The following ST7 variants were observed in gnomAD, a reference collection of about 807,000 sequenced individuals.
The protein encoded by ST7 is suppressor of tumorigenicity 7 protein.
ST7 carries 28 observed loss-of-function variants against 78.7 expected under a neutral mutation model. The observed-to-expected ratio is 0.36, with a 90% CI of 0.26 to 0.49. ST7 has a LOEUF of 0.49. Ranked by LOEUF, ST7 falls within the 20% of genes least tolerant of loss-of-function variation. The pLI is 0.99. For missense variants in ST7, 418 were observed against 696.0 expected (o/e 0.60, Z 4.49); for synonymous variants, 247 against 249.6 (o/e 0.99, Z 0.10).
At chr7:117,134,737 CTTGTATAGTTTCAGCATCA>C (rs1316260282) in intron 7 of ST7, among the ~76,000 whole-genome samples, 1 of 152,022 alleles carries the variant, frequency 6.6e-6, no homozygotes, top group African/African-American at 2.4e-5. Flanking sequence ...CAGTGAATCA[CTTGTATAGTTTCAGCATCA>C]TTATGGTTCT....
In ST7 at chr7:117,040,008, G is replaced by A. The variant is rs113038056; in HGVS notation, c.152-59754G>A. ...AAAACAGTTCATTGTAAGAAATTCA[G>A]TCAGGTAGGATTTGGATGTTATTAA... On this transcript the variant is annotated intron_variant, in intron 1 of 15. Coordinates refer to ENST00000323984, the MANE Select transcript of ST7 (RefSeq NM_001369598.1). 5.7e-3 allele frequency among the ~76,000 whole-genome samples: 867 copies of A among 152,318 alleles called. 3 individuals are homozygous for A. Among genetic ancestry groups the A allele is most frequent in the Non-Finnish European group, 9.7e-3 (660 of 68,030 alleles).
intron 1 of ST7, among the ~76,000 whole-genome samples, chr7:117,040,960 C>T (rs914015827): frequency 6.6e-6 from 1 of 152,178 alleles, no homozygotes; most frequent in Non-Finnish European, 1.5e-5. Flanking sequence ...CTCTCTTCTT[C>T]CCTACTTCCT....
intron 1 of ST7, among the ~76,000 whole-genome samples, chr7:116,994,110 CT>C (rs1253467513): frequency 4.6e-5 from 7 of 152,172 alleles, no homozygotes; most frequent in African/African-American, 7.2e-5. Flanking sequence ...ATCTCTAGAA[CT>C]TTTTCATTTT....
intron 2 of ST7, among the ~76,000 whole-genome samples, chr7:117,113,542 T>C (rs976078696): frequency 6.6e-6 from 1 of 152,228 alleles, no homozygotes; most frequent in Non-Finnish European, 1.5e-5. Flanking sequence ...GCCTAGAACA[T>C]AGACCAATGC....
At chr7:117,022,674 T>A (rs769154807) in intron 1 of ST7, among the ~76,000 whole-genome samples, 11 of 152,198 alleles carry the variant, frequency 7.2e-5, no homozygotes, top group Non-Finnish European at 1.2e-4. Flanking sequence ...TCGTAAGAAA[T>A]ACTTGTTTAA....
At position 117,161,917 on chromosome 7, in the gene ST7, C is replaced by G. The variant is rs549084273; in HGVS notation, c.964-8945C>G. ...ACCTGGCCCTCATTTTCTTTTCTGA[C>G]ATTTCTGTAATATAGCCCATAAACT... On this transcript the variant is annotated intron_variant, in intron 9 of 15. Transcript: ENST00000323984. Among the ~76,000 whole-genome samples the G allele has an allele frequency of 2.0e-5, 3 of 152,064 alleles. No homozygotes were observed. In the South Asian group the frequency reaches 6.2e-4, roughly 32 times the overall value.
At chr7:117,171,302 A>G (rs780653168) in intron 10 of ST7, among the ~76,000 whole-genome samples, 1 of 152,066 alleles carries the variant, frequency 6.6e-6, no homozygotes, top group Non-Finnish European at 1.5e-5. Flanking sequence ...GGCAGTACCT[A>G]TCCTGTAGGG....
intron 1 of ST7, among the ~76,000 whole-genome samples, chr7:117,025,429 A>G (rs1167863846): frequency 6.6e-6 from 1 of 152,218 alleles, no homozygotes; most frequent in Non-Finnish European, 1.5e-5. Flanking sequence ...TAGGAACATG[A>G]GCCATTTTCC....
intron 1 of ST7, among the ~76,000 whole-genome samples, chr7:117,064,206 T>G (rs1798512668): frequency 6.6e-6 from 1 of 152,208 alleles, no homozygotes; most frequent in African/African-American, 2.4e-5. Flanking sequence ...TCTTTTATAT[T>G]ATCCTACTTA....
At chr7:117,182,776 C>T (rs140602533) in intron 10 of ST7, 1 of 152,256 alleles carries the variant, frequency 6.6e-6, no homozygotes, top group East Asian at 1.9e-4. Flanking sequence ...GGATTGTTTT[C>T]ATTTCTAATT....
At chr7:117,041,299 TCTG>T (rs966852563) in intron 1 of ST7, among the ~76,000 whole-genome samples, 3 of 152,214 alleles carry the variant, frequency 2.0e-5, no homozygotes, top group African/African-American at 7.2e-5. Context: ...CATTGCAAAT[TCTG>T]CTATTACTGG....
In ST7 at chr7:117,046,085, A is replaced by G. The variant is rs530504863; in HGVS notation, c.152-53677A>G. Among the ~76,000 whole-genome samples the G allele has an allele frequency of 3.9e-5, 6 of 152,320 alleles. No individual in the cohort carries two copies. In the East Asian group the frequency reaches 1.2e-3, roughly 29 times the overall value. Reference sequence around the variant, plus strand: ...GATGAGGAAACTGTGGTTTAGGGAAATTATGTACCTTGCTGAAAACCAGCT... The same window carrying G: ...GATGAGGAAACTGTGGTTTAGGGAAGTTATGTACCTTGCTGAAAACCAGCT... On this transcript the variant is annotated intron_variant, in intron 1 of 15. Coordinates refer to ENST00000323984, the MANE Select transcript of ST7 (RefSeq NM_001369598.1).
At chr7:117,123,740 A>G (rs1239576281) in intron 3 of ST7, among the ~76,000 whole-genome samples, 2 of 152,184 alleles carry the variant, frequency 1.3e-5, no homozygotes, top group African/African-American at 2.4e-5. Context: ...GTTTATAGGA[A>G]CATCTGTTTG....
At chr7:117,045,803 G>A (rs909821584) in intron 1 of ST7, among the ~76,000 whole-genome samples, 3 of 152,152 alleles carry the variant, frequency 2.0e-5, no homozygotes, top group African/African-American at 7.2e-5. Flanking sequence ...TACTCACAAA[G>A]TATTAAGCTC....
intron 2 of ST7, among the ~76,000 whole-genome samples, chr7:117,119,278 T>C (rs1277208193): frequency 6.6e-6 from 1 of 152,264 alleles, no homozygotes; most frequent in East Asian, 1.9e-4. Flanking sequence ...TTGAATATTA[T>C]ATATAAATTT....
At chr7:117,094,935 G>C (rs112676150) in intron 1 of ST7, among the ~76,000 whole-genome samples, 1 of 150,770 alleles carries the variant, frequency 6.6e-6, no homozygotes, top group Non-Finnish European at 1.5e-5. Flanking sequence ...TTTCCATTTT[G>C]CATGTCATAT....
intron 10 of ST7, among the ~76,000 whole-genome samples, chr7:117,184,947 A>G (rs1280451802): frequency 6.6e-6 from 1 of 152,240 alleles, no homozygotes; most frequent in Admixed American, 6.5e-5. Context: ...TTATGTCGAA[A>G]TATTAAGTTT....
intron 10 of ST7, among the ~76,000 whole-genome samples, chr7:117,174,747 T>C (rs1808235251): frequency 6.6e-6 from 1 of 152,202 alleles, no homozygotes; most frequent in Non-Finnish European, 1.5e-5. Flanking sequence ...AGCTTGGCAT[T>C]AGCTTTACCC....
rs1310596365 is a variant in ST7, at chr7:117,129,839, A to G, written c.441A>G (p.Glu147=). 6.2e-7 allele frequency: 1 copy of G among 1,609,820 alleles called. No homozygotes were observed. Among genetic ancestry groups the G allele is most frequent in the Non-Finnish European group, 8.5e-7 (1 of 1,177,844 alleles). The change falls in exon 4 of 16, where the codon GAA becomes GAG. Residue 147 remains glutamate (E), a synonymous_variant. Transcript: ENST00000323984. Reference sequence around the variant, plus strand: ...CACTAAATTTATTTAGGGGTGCTGAATACAATCGGTAAGCATTTTGACAGC... The same window carrying G: ...CACTAAATTTATTTAGGGGTGCTGAGTACAATCGGTAAGCATTTTGACAGC... ...RNPLNLFRGA[E]YNRYTWVTGR... is the part of the protein sequence containing the mutation.
Sources: gnomAD v4.1 joint callset for allele counts (sites outside exome capture counted in the v4.1 genomes callset) on GRCh38, gnomAD v4.1.1 for gene constraint, MANE v1.5 for transcripts, NCBI Gene and HGNC (gene_info 2026-07-23, HGNC 2026-07-21) for gene names.